NSUN6: variants seen among roughly 807,000 people sequenced by gnomAD.
NSUN6 encodes the protein tRNA (cytosine(72)-C(5))-methyltransferase NSUN6.
Under a neutral mutation model 58.0 loss-of-function variants are expected in NSUN6, and 64 were observed. The observed-to-expected ratio is 1.10, with a 90% CI of 0.90 to 1.36. The LOEUF (loss-of-function observed/expected upper bound fraction) is 1.36, where lower values mean the gene tolerates loss of function less well. NSUN6 is among the 40% of genes most tolerant of loss of function. NSUN6 has a pLI of 0.00. For missense variants in NSUN6, 701 were observed against 550.1 expected, an observed-to-expected ratio of 1.27 and a Z score of -2.74; for synonymous variants, 231 against 193.9, an observed-to-expected ratio of 1.19 and a Z score of -1.59.
Position 18,634,633 on chromosome 10 carries a change from G to A in NSUN6, c.311+7843C>T, listed in dbSNP as rs187898936. On this transcript the variant is annotated intron_variant, in intron 3 of 10. Coordinates refer to ENST00000377304, the MANE Select transcript of NSUN6 (RefSeq NM_182543.5). ...AAAAATTAGCTGGTCTTGGTGGCAG[G>A]TGCACGTAGTCCTAGCTACTAGGAA... Among the ~76,000 whole-genome samples, 459 of 151,996 alleles carry A rather than the reference G, an allele frequency of 3.0e-3. 2 individuals are homozygous for A. The highest frequency in any genetic ancestry group is 0.011 in the African/African-American group (438 of 41,492).
chr10:18,622,266 A>G (rs1207908291), intron 3 of NSUN6, among the ~76,000 whole-genome samples: 1 of 152,196 alleles, frequency 6.6e-6, no homozygotes, highest in Non-Finnish European at 1.5e-5. Context: ...GCTTTCTGCA[A>G]TGTGAGAATA....
At chr10:18,616,439 T>C (rs972536392) in intron 3 of NSUN6, 146 bp from the exon 4 acceptor site, 7 of 506,566 alleles carry the variant, frequency 1.4e-5, no homozygotes, top group Non-Finnish European at 2.4e-5. Flanking sequence ...GGCATACATA[T>C]AGAGGAAACA....
At chr10:18,594,722 G>T (rs566100240) in intron 7 of NSUN6, among the ~76,000 whole-genome samples, 1 of 152,076 alleles carries the variant, frequency 6.6e-6, no homozygotes, top group Non-Finnish European at 1.5e-5. Context: ...TATTCCGGTT[G>T]TTCGTGTCTG....
chr10:18,634,228 A>G (rs1000265889), intron 3 of NSUN6, among the ~76,000 whole-genome samples: 7 of 152,220 alleles, frequency 4.6e-5, no homozygotes, highest in African/African-American at 1.7e-4. Context: ...AAAACCTCAT[A>G]AAAGGGATAA....
At chr10:18,647,227 G>A (rs2059571383) in intron 2 of NSUN6, among the ~76,000 whole-genome samples, 1 of 152,088 alleles carries the variant, frequency 6.6e-6, no homozygotes, top group Non-Finnish European at 1.5e-5. Context: ...ATAATTTTCT[G>A]AAATTTTCTA....
At position 18,585,498 on chromosome 10, in the gene NSUN6, C is replaced by A. The variant is rs907516920; in HGVS notation, c.922+451G>T. Among the ~76,000 whole-genome samples, 3 of 152,212 alleles carry A rather than the reference C, an allele frequency of 2.0e-5. No homozygotes were observed. The South Asian group carries it at 6.2e-4, about 32-fold the overall frequency. On this transcript the variant is annotated intron_variant, in intron 8 of 10. Coordinates refer to ENST00000377304, the MANE Select transcript of NSUN6 (RefSeq NM_182543.5). The stretch of plus-strand genomic sequence containing the variant: ...AAACAAAAAGAAATTATGTTGTTTG[C>A]AACAAAATAGATGAACCTGGAAGAC...
intron 6 of NSUN6, among the ~76,000 whole-genome samples, chr10:18,599,904 A>G (rs924775433): frequency 1.3e-5 from 2 of 152,158 alleles, no homozygotes; most frequent in African/African-American, 4.8e-5. Context: ...AGGGCATCTA[A>G]TACTTCTTAA....
intron 7 of NSUN6, among the ~76,000 whole-genome samples, chr10:18,593,457 C>G (rs906975322): frequency 6.6e-6 from 1 of 152,116 alleles, no homozygotes; most frequent in African/African-American, 2.4e-5. Flanking sequence ...GGAACCAACC[C>G]AAATGCCCAT....
chr10:18,557,394 G>A (rs1175912597), intron 8 of NSUN6, among the ~76,000 whole-genome samples: 6 of 145,394 alleles, frequency 4.1e-5, no homozygotes, highest in African/African-American at 1.5e-4. Flanking sequence ...TGGAATGGAA[G>A]GGAGCATGGA....
intron 8 of NSUN6, among the ~76,000 whole-genome samples, chr10:18,580,799 A>G (rs1414254583): frequency 1.3e-5 from 2 of 152,186 alleles, no homozygotes; most frequent in Non-Finnish European, 2.9e-5. Context: ...TCCCCAAGTG[A>G]ACTTGCTAGC....
chr10:18,555,694 ACAG>A (rs2054949065), intron 8 of NSUN6, among the ~76,000 whole-genome samples: 7 of 150,654 alleles, frequency 4.6e-5, no homozygotes, highest in South Asian at 4.2e-4. Flanking sequence ...AATGGAATGG[ACAG>A]TGGAATGGAA....
chr10:18,642,219 G>T (rs562929380), intron 3 of NSUN6, among the ~76,000 whole-genome samples: 5 of 151,920 alleles, frequency 3.3e-5, no homozygotes, highest in African/African-American at 9.7e-5. Context: ...CAGAAAGTGG[G>T]GGGGGGAAAA....
chr10:18,579,577 T>TTAAGAATG (rs1228406868), intron 8 of NSUN6, among the ~76,000 whole-genome samples: 3 of 152,334 alleles, frequency 2.0e-5, no homozygotes, highest in African/African-American at 7.2e-5. Context: ...TTTACCAAGG[T>TTAAGAATG]TAAGAATGCG....
At chr10:18,586,162 AAAT>A (rs1178757459) in intron 7 of NSUN6, 69 bp from the exon 8 acceptor site, 4 of 1,245,824 alleles carry the variant, frequency 3.2e-6, no homozygotes, top group African/African-American at 3.1e-5. Flanking sequence ...GCAGTCATAA[AAAT>A]AATGAGAAAA....
At chr10:18,659,204 A>C (rs2059811640), upstream of NSUN6, 2 of 170,426 alleles carry the variant, frequency 1.2e-5, no homozygotes, top group Admixed American at 1.3e-4. Flanking sequence ...GCAAATTCCC[A>C]GCCGCTGGCC....
intron 3 of NSUN6, among the ~76,000 whole-genome samples, chr10:18,634,759 A>ACAAT (rs2059156145): frequency 6.6e-6 from 1 of 151,212 alleles, no homozygotes; most frequent in Admixed American, 6.6e-5. Flanking sequence ...TCTGTCTCAA[A>ACAAT]CAAACAAACA....
At chr10:18,653,139 G>T (rs2131618775), upstream of NSUN6, 1 of 985,034 alleles carries the variant, frequency 1.0e-6, no homozygotes, top group Middle Eastern at 5.2e-4. Context: ...CTGTATTTTA[G>T]CGATAAAGGA....
chr10:18,579,649 G>A (rs758317987), intron 8 of NSUN6, among the ~76,000 whole-genome samples: 7 of 152,052 alleles, frequency 4.6e-5, no homozygotes, highest in Non-Finnish European at 8.8e-5. Flanking sequence ...GGTACAGTTT[G>A]CTTTTATGCA....
chr10:18,619,534 T>C (rs2058526909), intron 3 of NSUN6, among the ~76,000 whole-genome samples: 1 of 152,186 alleles, frequency 6.6e-6, no homozygotes, highest in African/African-American at 2.4e-5. Context: ...ATGCTTGCTG[T>C]TCTCTTTTCA....
Sources: gnomAD v4.1 joint callset for allele counts (sites outside exome capture counted in the v4.1 genomes callset) on GRCh38, gnomAD v4.1.1 for gene constraint, MANE v1.5 for transcripts, NCBI Gene and HGNC (gene_info 2026-07-23, HGNC 2026-07-21) for gene names.